CPLX1: variants seen among roughly 807,000 people sequenced by gnomAD.
CPLX1 encodes the protein complexin 1, also known as complexin-1.
A neutral mutation model predicts 15.6 loss-of-function variants in CPLX1; 6 were observed. The observed-to-expected ratio is 0.39, with a 90% CI of 0.21 to 0.76. The LOEUF (loss-of-function observed/expected upper bound fraction) is 0.76, where lower values mean the gene tolerates loss of function less well. Among genes scored for constraint, CPLX1 ranks in the 30% least tolerant of loss-of-function variants. The probability of loss-of-function intolerance (pLI) is 0.43; values close to 1 mark genes in which losing one functional copy is unlikely to be tolerated. For synonymous variants in CPLX1, 91 were observed against 75.2 expected, an observed-to-expected ratio of 1.21 and a Z score of -1.08; for missense variants, 242 against 188.6, an observed-to-expected ratio of 1.28 and a Z score of -1.66.
chr4:822,674 G>A (rs924230030), intron 2 of CPLX1, among the ~76,000 whole-genome samples: 2 of 152,034 alleles, frequency 1.3e-5, no homozygotes, highest in Non-Finnish European at 2.9e-5. Flanking sequence ...TTCTCTTGGG[G>A]TCTCTGCCAA....
intron 2 of CPLX1, among the ~76,000 whole-genome samples, chr4:810,460 C>T (rs960039205): frequency 2.3e-4 from 35 of 152,126 alleles, no homozygotes; most frequent in African/African-American, 7.2e-4. Flanking sequence ...TTTTCCAGTG[C>T]GGTTGTGCCA....
intron 2 of CPLX1, among the ~76,000 whole-genome samples, chr4:803,372 C>T (rs1054046229): frequency 1.3e-5 from 2 of 151,904 alleles, no homozygotes; most frequent in Non-Finnish European, 2.9e-5. Context: ...GCGACAGCAC[C>T]GAATTCTCAC....
At chr4:800,183 A>C (rs1746423409) in intron 2 of CPLX1, among the ~76,000 whole-genome samples, 2 of 152,158 alleles carry the variant, frequency 1.3e-5, no homozygotes, top group African/African-American at 4.8e-5. Flanking sequence ...ACCTTCATAC[A>C]TTTGGTCACA....
At chr4:806,613 A>G (rs1298028380) in intron 2 of CPLX1, among the ~76,000 whole-genome samples, 1 of 152,260 alleles carries the variant, frequency 6.6e-6, no homozygotes, top group African/African-American at 2.4e-5. Flanking sequence ...GACAACCTAC[A>G]GAATTGGAGA....
rs1745979439 is a variant in CPLX1, at chr4:786,156, G to A, written c.*345C>T. The A allele has an allele frequency of 1.1e-5, 2 of 177,932 alleles. No individual in the cohort carries two copies. Among genetic ancestry groups the A allele is most frequent in the African/African-American group, 4.7e-5 (2 of 42,460 alleles). The allele number at this position is 177,932 out of a possible 1,614,324, so 11.0% of individuals were successfully genotyped here. ...GTGCTCCTGAGTGCGGGCCCGACAG[G>A]CGCCCACCGCCGCGAACGCGCGCAC... is the stretch of plus-strand genomic sequence containing the variant. On this transcript the variant is annotated 3_prime_UTR_variant, in exon 4 of 4. Coordinates refer to ENST00000304062, the MANE Select transcript of CPLX1 (RefSeq NM_006651.4).
chr4:786,931 G>A (rs1746012895), intron 3 of CPLX1: 18 of 979,400 alleles, frequency 1.8e-5, no homozygotes, highest in Non-Finnish European at 2.2e-5. Context: ...GGGGAGCAGG[G>A]AGGGGGAGGC....
chr4:801,549 G>A (rs745898269), intron 2 of CPLX1, among the ~76,000 whole-genome samples: 9 of 152,162 alleles, frequency 5.9e-5, no homozygotes, highest in Non-Finnish European at 8.8e-5. Flanking sequence ...GCTTAGGTAC[G>A]CAAATACTCA....
rs565793713 is a variant in CPLX1, at chr4:792,177, C to A, written c.207+256G>T. ...GCCAGCCAGGCTCCACGCAGGGCTGCGCATCGGAATGCGGGCCTAGGAAGC... is the reference window on the plus strand; with the variant it reads ...GCCAGCCAGGCTCCACGCAGGGCTGAGCATCGGAATGCGGGCCTAGGAAGC... On this transcript the variant is annotated intron_variant, in intron 3 of 3. Coordinates refer to ENST00000304062, the MANE Select transcript of CPLX1 (RefSeq NM_006651.4). Among the ~76,000 whole-genome samples the A allele has an allele frequency of 6.7e-4, 102 of 152,324 alleles. 1 individual carries two copies. Among genetic ancestry groups the A allele is most frequent in the African/African-American group, 2.2e-3 (93 of 41,572 alleles).
chr4:792,397 C>A, intron 3 of CPLX1, 36 bp downstream of exon 3: 1 of 1,490,402 alleles, frequency 6.7e-7, no homozygotes, highest in Non-Finnish European at 8.9e-7. Context: ...GGACTCAGGG[C>A]CGCCTTCCCG....
chr4:792,893 G>A (rs918297748), intron 2 of CPLX1, among the ~76,000 whole-genome samples: 4 of 152,186 alleles, frequency 2.6e-5, no homozygotes, highest in East Asian at 1.9e-4. Flanking sequence ...CTGTGGTTGC[G>A]CGTCTGTATG....
At chr4:792,084 C>G (rs1746192476) in intron 3 of CPLX1, among the ~76,000 whole-genome samples, 1 of 152,184 alleles carries the variant, frequency 6.6e-6, no homozygotes, top group South Asian at 2.1e-4. Flanking sequence ...CCAGGCCGGG[C>G]TCACCTGAGA....
At chr4:797,542 G>A (rs1048669320) in intron 2 of CPLX1, among the ~76,000 whole-genome samples, 3 of 152,060 alleles carry the variant, frequency 2.0e-5, no homozygotes, top group Non-Finnish European at 4.4e-5. Context: ...TGGTCAGGCT[G>A]TTCTCGAACT....
intron 2 of CPLX1, among the ~76,000 whole-genome samples, chr4:798,379 A>G (rs1235159455): frequency 1.3e-5 from 2 of 152,108 alleles, no homozygotes; most frequent in African/African-American, 4.8e-5. Flanking sequence ...ACAGAGCTGC[A>G]GAGGGAATTC....
At chr4:794,581 C>T (rs1746278890) in intron 2 of CPLX1, among the ~76,000 whole-genome samples, 2 of 152,196 alleles carry the variant, frequency 1.3e-5, no homozygotes, top group African/African-American at 4.8e-5. Context: ...CTGCCTCCAG[C>T]GGGCTGTCTC....
intron 2 of CPLX1, among the ~76,000 whole-genome samples, chr4:813,007 C>T (rs987533071): frequency 1.3e-5 from 2 of 152,134 alleles, no homozygotes; most frequent in East Asian, 3.8e-4. Context: ...TGGCTCACAC[C>T]TGTAATCCCA....
At chr4:819,130 C>T (rs906328769) in intron 2 of CPLX1, among the ~76,000 whole-genome samples, 4 of 152,246 alleles carry the variant, frequency 2.6e-5, no homozygotes, top group African/African-American at 9.6e-5. Context: ...GGCAGCAAAG[C>T]GGGACTGAAG....
chr4:794,202 T>C (rs545420155), intron 2 of CPLX1, among the ~76,000 whole-genome samples: 2 of 152,254 alleles, frequency 1.3e-5, no homozygotes, highest in Non-Finnish European at 2.9e-5. Context: ...TTGAGTGCTC[T>C]GGGCTGAAGG....
chr4:824,753 G>C, intron 1 of CPLX1, 152 bp from the exon 2 acceptor site: 1 of 692,440 alleles, frequency 1.4e-6, no homozygotes, highest in Non-Finnish European at 2.6e-6. Context: ...AGGGGCTTCT[G>C]TCCCCACACC....
chr4:825,518 C>T (rs1324556552), intron 1 of CPLX1, among the ~76,000 whole-genome samples: 1 of 151,878 alleles, frequency 6.6e-6, no homozygotes, highest in Non-Finnish European at 1.5e-5. Flanking sequence ...CCCCGCAGAC[C>T]CGCAGGGCTC....
Sources: gnomAD v4.1 joint callset for allele counts (sites outside exome capture counted in the v4.1 genomes callset) on GRCh38, gnomAD v4.1.1 for gene constraint, MANE v1.5 for transcripts, NCBI Gene and HGNC (gene_info 2026-07-23, HGNC 2026-07-21) for gene names.